FAP: variants seen among roughly 807,000 people sequenced by gnomAD.
FAP encodes prolyl endopeptidase FAP.
Under a neutral mutation model 126.5 loss-of-function variants are expected in FAP, and 110 were observed. The ratio of observed to expected loss-of-function variants is 0.87; its 90% confidence interval spans 0.74 to 1.02. FAP has a LOEUF of 1.02. Among genes scored for constraint, FAP ranks in the 50% least tolerant of loss-of-function variants. FAP has a pLI of 0.00. For missense variants in FAP, 919 were observed against 909.2 expected (o/e 1.01, Z -0.14); for synonymous variants, 334 against 297.3 (o/e 1.12, Z -1.27).
intron 16 of FAP, chr2:162,197,676 G>C: frequency 4.4e-6 from 2 of 456,412 alleles, no homozygotes; most frequent in South Asian, 3.1e-5. Context: ...CTGGACTGAG[G>C]GAAGTGGCAT....
intron 2 of FAP, among the ~76,000 whole-genome samples, chr2:162,238,327 A>G (rs1358380159): frequency 1.3e-5 from 2 of 152,192 alleles, no homozygotes; most frequent in African/African-American, 4.8e-5. Context: ...TTCAAGGTAT[A>G]TCTATGACTG....
chr2:162,204,666 G>C (rs921007425), intron 12 of FAP, among the ~76,000 whole-genome samples: 1 of 152,144 alleles, frequency 6.6e-6, no homozygotes, highest in Non-Finnish European at 1.5e-5. Flanking sequence ...TAGGGAGCAC[G>C]ACTCTGCTGA....
intron 23 of FAP, 81 bp from the exon 24 acceptor site, chr2:162,173,302 A>C: frequency 1.0e-6 from 1 of 964,682 alleles, no homozygotes; most frequent in South Asian, 1.3e-5. Context: ...CAATGGACTT[A>C]GCACCAATAC....
chr2:162,174,847 A>G lies in FAP; in HGVS notation c.1969+20T>C, dbSNP rs778292480. 18 of 1,537,516 alleles carry G rather than the reference A, an allele frequency of 1.2e-5. No individual in the cohort carries two copies. In the South Asian group the frequency reaches 1.8e-4, roughly 15 times the overall value. On this transcript the variant is annotated intron_variant, in intron 22 of 25. Transcript: ENST00000188790. Reference sequence around the variant, plus strand: ...ACGTGTTAAATGCTTTCACAGTAACATTAATGAATGTTTCCATACCGTAAT... The same window carrying G: ...ACGTGTTAAATGCTTTCACAGTAACGTTAATGAATGTTTCCATACCGTAAT...
chr2:162,191,113 C>T (rs1406376401), intron 17 of FAP, among the ~76,000 whole-genome samples: 1 of 152,066 alleles, frequency 6.6e-6, no homozygotes, highest in Admixed American at 6.6e-5. Flanking sequence ...AAAGAGACTC[C>T]TGTGTGGATC....
intron 22 of FAP, among the ~76,000 whole-genome samples, chr2:162,174,494 G>A (rs7608807): frequency 0.064 from 9,684 of 152,178 alleles, 1,023 homozygotes; most frequent in African/African-American, 0.22. Context: ...TAACTGTGGC[G>A]TGGAGGTGAA....
chr2:162,225,653 C>T (rs758756647), intron 3 of FAP, 76 bp from the exon 4 acceptor site: 1 of 1,408,270 alleles, frequency 7.1e-7, no homozygotes, highest in African/African-American at 1.5e-5. Context: ...AGAAACCTCT[C>T]TATTTCACAG....
chr2:162,195,181 T>C (rs1183269903), intron 16 of FAP: 5 of 195,924 alleles, frequency 2.6e-5, no homozygotes, highest in Admixed American at 5.5e-5. Context: ...CTTATTTAGA[T>C]GGGTAAAATC....
intron 2 of FAP, among the ~76,000 whole-genome samples, chr2:162,236,541 T>C (rs1309625979): frequency 6.6e-6 from 1 of 152,140 alleles, no homozygotes; most frequent in African/African-American, 2.4e-5. Context: ...TCTTAAGTAT[T>C]GGTAGTTAGT....
At chr2:162,229,783 G>T (rs569607821) in intron 2 of FAP, among the ~76,000 whole-genome samples, 1 of 152,166 alleles carries the variant, frequency 6.6e-6, no homozygotes. Flanking sequence ...TTACTTCCTA[G>T]TTAGCAATTA....
At chr2:162,241,963 C>T (rs1441970499) in intron 2 of FAP, among the ~76,000 whole-genome samples, 5 of 152,176 alleles carry the variant, frequency 3.3e-5, no homozygotes, top group Non-Finnish European at 7.4e-5. Context: ...ACAGTCCAGT[C>T]ATTCAGGACT....
intron 11 of FAP, 50 bp downstream of exon 11, chr2:162,213,888 T>C (rs1249843938): frequency 9.5e-6 from 15 of 1,583,592 alleles, no homozygotes; most frequent in Admixed American, 3.4e-5. Context: ...GTCCCCACTA[T>C]TGTGCCTTGA....
chr2:162,220,726 T>C (rs562136379), intron 6 of FAP, among the ~76,000 whole-genome samples: 45 of 152,342 alleles, frequency 3.0e-4, no homozygotes, highest in African/African-American at 1.1e-3. Context: ...TCAAGTGACT[T>C]GCATTGTGGA....
At chr2:162,218,226 C>T (rs1256221544) in intron 8 of FAP, 86 bp from the exon 9 acceptor site, 1 of 900,218 alleles carries the variant, frequency 1.1e-6, no homozygotes, top group Admixed American at 2.8e-5. Context: ...TATTTATCAA[C>T]TGAAATAATT....
At chr2:162,192,622 G>A (rs561937437) in intron 17 of FAP, among the ~76,000 whole-genome samples, 65 of 152,078 alleles carry the variant, frequency 4.3e-4, no homozygotes, top group African/African-American at 1.1e-3. Flanking sequence ...GACTTTCATC[G>A]TTATCTTCAG....
chr2:162,241,251 T>A (rs1169371794), intron 2 of FAP, among the ~76,000 whole-genome samples: 2 of 152,214 alleles, frequency 1.3e-5, no homozygotes, highest in Non-Finnish European at 2.9e-5. Context: ...TTCCTGTTAG[T>A]TGAAAATAGA....
chr2:162,218,803 A>G (rs1380991537), intron 8 of FAP, among the ~76,000 whole-genome samples: 1 of 152,080 alleles, frequency 6.6e-6, no homozygotes, highest in East Asian at 1.9e-4. Flanking sequence ...GCGGCACCTG[A>G]GGACCATATA....
In FAP at chr2:162,210,139, G is replaced by C. The variant is rs1410587730; in HGVS notation, c.1003-143C>G. On this transcript the variant is annotated intron_variant, in intron 11 of 25. Coordinates refer to ENST00000188790, the MANE Select transcript of FAP (RefSeq NM_004460.5). ...CTAACTTCAAATTTGAGTTTAAAAG[G>C]ACAATATTAAAAATCTCATATAACA... The C allele has an allele frequency of 4.5e-6, 3 of 661,080 alleles. No individual in the cohort carries two copies. The African/African-American group carries it at 5.5e-5, about 12-fold the overall frequency. The allele number at this position is 661,080 out of a possible 1,614,324, so 41.0% of individuals were successfully genotyped here. A position where few individuals can be genotyped will look rare whatever the true frequency, so the allele number is the denominator to read the frequency against.
rs1232099468 is a variant in FAP at position 162,218,159 on chromosome 2, G to A, written c.608-19C>T. 1.3e-6 allele frequency: 2 copies of A among 1,519,672 alleles called. No individual in the cohort carries two copies. Among genetic ancestry groups the A allele is most frequent in the Non-Finnish European group, 1.8e-6 (2 of 1,119,870 alleles). The allele number at this position is 1,519,672 out of a possible 1,614,324, so 94.1% of individuals were successfully genotyped here. ...ATTTCCTCTGAAAAATAAGTACTAG[G>A]ATATTAACTATAATTACATCTTACT... On this transcript the variant is annotated intron_variant, in intron 8 of 25. Transcript: ENST00000188790.
Sources: allele counts gnomAD v4.1 joint callset (sites outside exome capture counted in the v4.1 genomes callset), GRCh38; gene constraint gnomAD v4.1.1; transcripts MANE v1.5; gene names NCBI Gene and HGNC (gene_info 2026-07-23, HGNC 2026-07-21).